Variants in NECTIN3 observed in about 807,000 individuals in gnomAD.
NECTIN3 encodes the protein nectin-3.
A neutral mutation model predicts 49.4 loss-of-function variants in NECTIN3; 8 were observed. That is an observed-to-expected ratio of 0.16 (90% CI 0.10 to 0.29). NECTIN3 has a LOEUF of 0.29. Among genes scored for constraint, NECTIN3 ranks in the 10% least tolerant of loss-of-function variants. The probability of loss-of-function intolerance (pLI) is 1.00; values close to 1 mark genes in which losing one functional copy is unlikely to be tolerated. For synonymous variants in NECTIN3, 277 were observed against 241.1 expected (o/e 1.15, Z -1.38); for missense variants, 581 against 654.6 (o/e 0.89, Z 1.23).
At position 111,135,397 on chromosome 3, in the gene NECTIN3, G is replaced by GT. The variant is rs887678794; in HGVS notation, c.*1189dup. The GT allele has an allele frequency of 4.3e-6, 4 of 933,766 alleles. No individual in the cohort carries two copies. The highest frequency in any genetic ancestry group is 5.0e-5 in the South Asian group (1 of 20,184). 57.8% of individuals were successfully genotyped at this position (933,766 alleles called of 1,614,324 possible). A position where few individuals can be genotyped will look rare whatever the true frequency, so the allele number is the denominator to read the frequency against. On this transcript the variant is annotated 3_prime_UTR_variant, in exon 6 of 6. Coordinates refer to ENST00000485303, the MANE Select transcript of NECTIN3 (RefSeq NM_015480.3). Reference sequence around the variant, plus strand: ...TGGAAACATGAGGTTTTTTGTTTTTGTTTTTTTACATAATTACATATATTC... The same window carrying GT: ...TGGAAACATGAGGTTTTTTGTTTTTGTTTTTTTTACATAATTACATATATTC...
At chr3:111,104,145 A>C (rs1304685564) in intron 1 of NECTIN3, among the ~76,000 whole-genome samples, 1 of 152,104 alleles carries the variant, frequency 6.6e-6, no homozygotes, top group Non-Finnish European at 1.5e-5. Flanking sequence ...GGAGAGTTCT[A>C]ATTCATCCAT....
intron 1 of NECTIN3, among the ~76,000 whole-genome samples, chr3:111,074,409 CTG>C (rs1281539395): frequency 6.6e-6 from 1 of 152,110 alleles, no homozygotes. Flanking sequence ...AAAAATATGA[CTG>C]TAGCTGATGA....
At chr3:111,193,324 A>G in intron 1 of NECTIN3, 2 of 1,535,948 alleles carry the variant, frequency 1.3e-6, no homozygotes, top group East Asian at 2.4e-5. Context: ...GGCAAACATC[A>G]TCAAAATAAC....
intron 1 of NECTIN3, among the ~76,000 whole-genome samples, chr3:111,096,593 A>G (rs1357807576): frequency 6.6e-6 from 1 of 152,084 alleles, no homozygotes; most frequent in African/African-American, 2.4e-5. Context: ...TAGGAGGAAA[A>G]ATGGTTTCTT....
At chr3:111,079,445 A>G (rs2031451049) in intron 1 of NECTIN3, among the ~76,000 whole-genome samples, 1 of 152,042 alleles carries the variant, frequency 6.6e-6, no homozygotes, top group African/African-American at 2.4e-5. Flanking sequence ...TGATTTAGAG[A>G]TAATCATTCA....
intron 1 of NECTIN3, among the ~76,000 whole-genome samples, chr3:111,088,114 T>C (rs1412436774): frequency 6.6e-6 from 1 of 152,118 alleles, no homozygotes; most frequent in Non-Finnish European, 1.5e-5. Flanking sequence ...AAGGTGTTTG[T>C]GTTGCAGGGC....
At chr3:111,188,939 T>C (rs190152893), upstream of NECTIN3, among the ~76,000 whole-genome samples, 1,106 of 152,298 alleles carry the variant, frequency 7.3e-3, 4 homozygotes, top group Admixed American at 0.012. Flanking sequence ...AACACTGTGT[T>C]CCTAGAATAT....
chr3:111,160,222 A>G (rs2035181866), intron 7 of NECTIN3, among the ~76,000 whole-genome samples: 1 of 152,188 alleles, frequency 6.6e-6, no homozygotes, highest in South Asian at 2.1e-4. Context: ...GCATGTACGT[A>G]TATATATTTC....
chr3:111,090,344 AT>A, intron 1 of NECTIN3, among the ~76,000 whole-genome samples: 1 of 152,008 alleles, frequency 6.6e-6, no homozygotes, highest in East Asian at 1.9e-4. Flanking sequence ...ATTCTTCATA[AT>A]TCCATTTTCC....
intron 5 of NECTIN3, among the ~76,000 whole-genome samples, chr3:111,133,342 T>C (rs1005494544): frequency 6.6e-6 from 1 of 152,086 alleles, no homozygotes; most frequent in Non-Finnish European, 1.5e-5. Flanking sequence ...GGACCTCTTT[T>C]CTGGAGTACA....
downstream of NECTIN3, among the ~76,000 whole-genome samples, chr3:111,142,408 G>GGAACCAGGTGAAATGAA (rs1205449202): frequency 6.6e-6 from 1 of 151,690 alleles, no homozygotes; most frequent in East Asian, 1.9e-4. Context: ...AAGAATGACT[G>GGAACCAGGTGAAATGAA]GAACCAGGTG....
At chr3:111,163,006 A>G (rs1019211346) in intron 7 of NECTIN3, among the ~76,000 whole-genome samples, 1 of 152,272 alleles carries the variant, frequency 6.6e-6, no homozygotes, top group Non-Finnish European at 1.5e-5. Context: ...TATGATTCTG[A>G]AGTTGACAGG....
At chr3:111,094,127 T>C (rs920794007) in intron 1 of NECTIN3, among the ~76,000 whole-genome samples, 1 of 151,904 alleles carries the variant, frequency 6.6e-6, no homozygotes, top group African/African-American at 2.4e-5. Context: ...ATTTTATATA[T>C]ATTGACTTAT....
At chr3:111,099,398 G>T (rs771188620) in intron 1 of NECTIN3, among the ~76,000 whole-genome samples, 1 of 151,934 alleles carries the variant, frequency 6.6e-6, no homozygotes, top group Non-Finnish European at 1.5e-5. Flanking sequence ...CAAAATTTTC[G>T]CTTGGTTAAC....
intron 7 of NECTIN3, among the ~76,000 whole-genome samples, chr3:111,175,268 G>C (rs965276410): frequency 6.6e-6 from 1 of 151,674 alleles, no homozygotes; most frequent in Admixed American, 6.6e-5. Flanking sequence ...TAGTGGGCAC[G>C]GTGGGCCAAA....
At chr3:111,076,294 TG>T (rs1175199874) in intron 1 of NECTIN3, among the ~76,000 whole-genome samples, 1 of 152,148 alleles carries the variant, frequency 6.6e-6, no homozygotes, top group Non-Finnish European at 1.5e-5. Flanking sequence ...TTTGACATTC[TG>T]TAACTTAACC....
rs556290108 is a variant in NECTIN3, at chr3:111,119,830, A to G, written c.799+878A>G. 3.1e-4 allele frequency among the ~76,000 whole-genome samples: 47 copies of G among 152,256 alleles called. No homozygotes were observed. In the South Asian group the frequency reaches 4.6e-3, roughly 15 times the overall value. ...CTGCTTTTACTTCTATCCATGTGCAAATTATAAATCTAGGTGTTTTTGAGG... is the reference window on the plus strand; with the variant it reads ...CTGCTTTTACTTCTATCCATGTGCAGATTATAAATCTAGGTGTTTTTGAGG... On this transcript the variant is annotated intron_variant, in intron 3 of 5. Transcript: ENST00000485303.
At chr3:111,147,630 T>C (rs1385092638) in intron 7 of NECTIN3, 1 of 720,748 alleles carries the variant, frequency 1.4e-6, no homozygotes, top group East Asian at 2.8e-5. Context: ...GTTTAGTCAT[T>C]ATGCATTAAA....
At chr3:111,120,774 C>G (rs1232455354) in intron 3 of NECTIN3, among the ~76,000 whole-genome samples, 1 of 152,042 alleles carries the variant, frequency 6.6e-6, no homozygotes, top group Non-Finnish European at 1.5e-5. Flanking sequence ...ACATAACTAG[C>G]ACTTCATTGG....
Sources: allele counts gnomAD v4.1 joint callset (sites outside exome capture counted in the v4.1 genomes callset), GRCh38; gene constraint gnomAD v4.1.1; transcripts MANE v1.5; gene names NCBI Gene and HGNC (gene_info 2026-07-23, HGNC 2026-07-21).